ANKRD7: variants seen among roughly 807,000 people sequenced by gnomAD.
ANKRD7 encodes the protein ankyrin repeat domain 7.
Under a neutral mutation model 30.8 loss-of-function variants are expected in ANKRD7, and 30 were observed. The ratio of observed to expected loss-of-function variants is 0.97; its 90% CI spans 0.73 to 1.32. The LOEUF (loss-of-function observed/expected upper bound fraction) is 1.32. Among genes scored for constraint, ANKRD7 ranks in the 40% most tolerant of loss-of-function variants. ANKRD7 has a pLI of 0.00. For missense variants in ANKRD7, 264 were observed against 295.7 expected (o/e 0.89, Z 0.79); for synonymous variants, 97 against 106.6 (o/e 0.91, Z 0.55).
chr7:118,233,215 G>A (rs545219497), intron 1 of ANKRD7, among the ~76,000 whole-genome samples: 11 of 152,164 alleles, frequency 7.2e-5, no homozygotes, highest in Non-Finnish European at 1.2e-4. Context: ...TTCTTTGTTC[G>A]TTCCTTAAAT....
intron 6 of ANKRD7, among the ~76,000 whole-genome samples, chr7:118,241,277 G>GAACTCTCC (rs1239537808): frequency 6.7e-6 from 1 of 149,672 alleles, no homozygotes; most frequent in Non-Finnish European, 1.5e-5. Context: ...AAAACTTTTA[G>GAACTCTCC]AACTCTCCTC....
At chr7:118,229,424 A>C (rs558361081) in intron 1 of ANKRD7, among the ~76,000 whole-genome samples, 1 of 152,278 alleles carries the variant, frequency 6.6e-6, no homozygotes, top group East Asian at 1.9e-4. Flanking sequence ...TTATAAAAGC[A>C]GGTATTCACA....
At chr7:118,233,687 A>G (rs1288069385) in intron 1 of ANKRD7, among the ~76,000 whole-genome samples, 1 of 152,148 alleles carries the variant, frequency 6.6e-6, no homozygotes, top group Non-Finnish European at 1.5e-5. Context: ...TGTTTGGAAC[A>G]TGGATTATTT....
At chr7:118,227,967 C>A in intron 1 of ANKRD7, 1 of 1,330,944 alleles carries the variant, frequency 7.5e-7, no homozygotes, top group Non-Finnish European at 1.0e-6. Flanking sequence ...TTATCCTACA[C>A]CACTCCGCTG....
rs1369851705 is a variant in ANKRD7, at chr7:118,224,726, A to G, written c.-105A>G. 4.6e-6 allele frequency: 7 copies of G among 1,513,306 alleles called. No homozygotes were observed. Among genetic ancestry groups the G allele is most frequent in the African/African-American group, 4.2e-5 (3 of 71,526 alleles). The allele number at this position is 1,513,306 out of a possible 1,614,324, so 93.7% of individuals were successfully genotyped here. On this transcript the variant is annotated 5_prime_UTR_variant, in exon 1 of 7. Transcript: ENST00000265224. ...TCCAGCATTTCCACTTTCGTCAGGT[A>G]CTGGAGAGGGCTGCCGGCCGGATGC... is the stretch of plus-strand genomic sequence containing the variant.
chr7:118,237,822 G>A (rs1418031535), intron 5 of ANKRD7, among the ~76,000 whole-genome samples: 2 of 151,932 alleles, frequency 1.3e-5, no homozygotes, highest in Non-Finnish European at 2.9e-5. Context: ...AATACAGAAC[G>A]TGTACTTTGT....
At chr7:118,225,033 C>T (rs537124495) in intron 1 of ANKRD7, 24 bp downstream of exon 1, 163 of 1,611,788 alleles carry the variant, frequency 1.0e-4, no homozygotes, top group South Asian at 8.5e-4. Flanking sequence ...AGAGCCAGCG[C>T]GGGAGGACGG....
intron 1 of ANKRD7, among the ~76,000 whole-genome samples, chr7:118,225,360 C>T (rs758356483): frequency 7.2e-5 from 11 of 151,796 alleles, no homozygotes; most frequent in Non-Finnish European, 1.6e-4. Context: ...TGGTGGCGGA[C>T]GCCTGTAATC....
intron 4 of ANKRD7, 90 bp downstream of exon 4, chr7:118,236,237 T>A: frequency 1.3e-6 from 1 of 749,332 alleles, no homozygotes; most frequent in Non-Finnish European, 2.2e-6. Flanking sequence ...TGTGTGTGTG[T>A]GTCCACAAAA....
In ANKRD7 at chr7:118,225,006, A is replaced by G; in HGVS notation, c.176A>G (p.Tyr59Cys). ...KYDVNMQDKK[Y>C]RTPLHLACAN... Reference sequence around the variant, plus strand: ...GATGTAAATATGCAGGACAAAAAATACAGGTGACCAGACTGAAGAGCCAGC... The same window carrying G: ...GATGTAAATATGCAGGACAAAAAATGCAGGTGACCAGACTGAAGAGCCAGC... Residue 59 changes from tyrosine to cysteine, a missense_variant, in exon 1 of 7, where the codon TAC (tyrosine) becomes TGC (cysteine). Coordinates refer to ENST00000265224, the MANE Select transcript of ANKRD7 (RefSeq NM_019644.4). 2 of 1,613,746 alleles carry G rather than the reference A, an allele frequency of 1.2e-6. No individual in the cohort carries two copies. The highest frequency in any genetic ancestry group is 1.7e-6 in the Non-Finnish European group (2 of 1,179,868).
At chr7:118,228,127 G>T (rs1356088885) in intron 1 of ANKRD7, 1 of 1,123,144 alleles carries the variant, frequency 8.9e-7, no homozygotes, top group African/African-American at 1.6e-5. Flanking sequence ...GGGCCATCTG[G>T]CATTTCTCCT....
chr7:118,237,850 A>G (rs1278108977), intron 5 of ANKRD7, among the ~76,000 whole-genome samples: 1 of 152,120 alleles, frequency 6.6e-6, no homozygotes, highest in Non-Finnish European at 1.5e-5. Context: ...TGGTTTAAGC[A>G]GACCATATGC....
chr7:118,232,703 TAGTA>T (rs965029684), intron 1 of ANKRD7, among the ~76,000 whole-genome samples: 8 of 147,942 alleles, frequency 5.4e-5, no homozygotes, highest in Non-Finnish European at 7.5e-5. Context: ...TACTTTCTCT[TAGTA>T]AGAGCAGTGT....
Position 118,234,457 on chromosome 7 carries a change from A to G in ANKRD7, c.206A>G (p.Asn69Ser), listed in dbSNP as rs1324410362. 3.1e-6 allele frequency: 5 copies of G among 1,611,920 alleles called. No individual in the cohort carries two copies. The highest frequency in any genetic ancestry group is 1.7e-5 in the Admixed American group (1 of 59,622). ...YRTPLHLACANGHTDVVLFLI... is the reference protein window; with the variant it reads ...YRTPLHLACASGHTDVVLFLI... ...ACACCTTTGCACCTAGCCTGTGCTAATGGACATACAGATGTTGTACTTTTC... is the reference window on the plus strand; with the variant it reads ...ACACCTTTGCACCTAGCCTGTGCTAGTGGACATACAGATGTTGTACTTTTC... The change falls in exon 2 of 7, where the codon AAT (asparagine) becomes AGT (serine). Residue 69 changes from asparagine to serine, a missense_variant. Coordinates refer to ENST00000265224, the MANE Select transcript of ANKRD7 (RefSeq NM_019644.4).
At chr7:118,234,330 AG>A in intron 1 of ANKRD7, 100 bp from the exon 2 acceptor site, 1 of 607,092 alleles carries the variant, frequency 1.6e-6, no homozygotes, top group Non-Finnish European at 2.8e-6. Flanking sequence ...GCATGAAGCA[AG>A]TACCTTACCA....
Position 118,234,547 on chromosome 7 carries a change from T to A in ANKRD7, c.294+2T>A. 2 of 1,594,266 alleles carry A rather than the reference T, an allele frequency of 1.3e-6. No homozygotes were observed. Among genetic ancestry groups the A allele is most frequent in the Non-Finnish European group, 1.7e-6 (2 of 1,172,606 alleles). Reference sequence around the variant, plus strand: ...GAAAACAAATCCCCATTGATTAAGGTATGCCATAGTTTTTCTTTTTCAATT... The same window carrying A: ...GAAAACAAATCCCCATTGATTAAGGAATGCCATAGTTTTTCTTTTTCAATT... On this transcript the variant is annotated splice_donor_variant, in intron 2 of 6. Coordinates refer to ENST00000265224, the MANE Select transcript of ANKRD7 (RefSeq NM_019644.4). LOFTEE classifies it high-confidence loss of function.
rs1809690684 is a variant in ANKRD7, at chr7:118,234,364, G to C, written c.180-67G>C. ...CCAATGTACAATCTGGCTTGTTTTT[G>C]GGTAAAACAAGTAACTTCTCAAACG... On this transcript the variant is annotated intron_variant, in intron 1 of 6. Transcript: ENST00000265224. 6 of 1,029,940 alleles carry C rather than the reference G, an allele frequency of 5.8e-6. No homozygotes were observed. The Admixed American group carries it at 1.5e-4, about 26-fold the overall frequency. 63.8% of individuals were successfully genotyped at this position (1,029,940 alleles called of 1,614,324 possible).
intron 1 of ANKRD7, among the ~76,000 whole-genome samples, chr7:118,228,658 C>A (rs1230585158): frequency 6.6e-6 from 1 of 152,166 alleles, no homozygotes; most frequent in Non-Finnish European, 1.5e-5. Context: ...CAAATGTTGT[C>A]TTTCAATTGC....
intron 1 of ANKRD7, among the ~76,000 whole-genome samples, chr7:118,232,720 T>TGTGTGTGTGTGTG (rs1562872732): frequency 5.8e-4 from 84 of 146,014 alleles, no homozygotes; most frequent in African/African-American, 1.9e-3. Flanking sequence ...AGCAGTGTGT[T>TGTGTGTGTGTGTG]TGTGTGTGTG....
Sources: gnomAD v4.1 joint callset for allele counts (sites outside exome capture counted in the v4.1 genomes callset) on GRCh38, gnomAD v4.1.1 for gene constraint, MANE v1.5 for transcripts, NCBI Gene and HGNC (gene_info 2026-07-23, HGNC 2026-07-21) for gene names.